Variants in CDC27 observed in about 807,000 individuals in gnomAD.
CDC27 encodes cell division cycle 27.
Under a neutral mutation model 109.7 loss-of-function variants are expected in CDC27, and 27 were observed. The observed-to-expected ratio is 0.25, with a 90% CI of 0.18 to 0.34. CDC27 has a LOEUF of 0.34. CDC27 is among the 10% of genes least tolerant of loss of function. The pLI, the probability that CDC27 is intolerant of heterozygous loss-of-function variation, is 1.00. For missense variants in CDC27, 579 were observed against 960.2 expected, an observed-to-expected ratio of 0.60 and a Z score of 5.25; for synonymous variants, 266 against 333.9, an observed-to-expected ratio of 0.80 and a Z score of 2.22.
At chr17:47,130,741 G>A (rs1337772236) in intron 15 of CDC27, among the ~76,000 whole-genome samples, 1 of 152,034 alleles carries the variant, frequency 6.6e-6, no homozygotes, top group Admixed American at 6.6e-5. Flanking sequence ...GCCAGGCGTG[G>A]TGTCGGGCAC....
intron 2 of CDC27, among the ~76,000 whole-genome samples, chr17:47,180,081 T>C (rs1175452711): frequency 2.6e-5 from 4 of 152,118 alleles, no homozygotes; most frequent in East Asian, 3.8e-4. Flanking sequence ...TGAGCTATGA[T>C]TGTGCCACTG....
At chr17:47,137,064 A>G (rs78332669) in intron 14 of CDC27, 88 bp downstream of exon 14, 13 of 650,466 alleles carry the variant, frequency 2.0e-5, no homozygotes, top group African/African-American at 7.5e-5. Flanking sequence ...AACCAAATTC[A>G]TGATAATAAA....
At chr17:47,172,099 C>A (rs371622399) in intron 2 of CDC27, 35 bp from the exon 3 acceptor site, 45 of 1,433,350 alleles carry the variant, frequency 3.1e-5, no homozygotes, top group Non-Finnish European at 4.0e-5. Context: ...GGCTATTGTT[C>A]AGTATATTGA....
chr17:47,167,803 T>C (rs1598552692), intron 4 of CDC27, among the ~76,000 whole-genome samples: 1 of 152,262 alleles, frequency 6.6e-6, no homozygotes, highest in East Asian at 1.9e-4. Context: ...CAGCCTCAGG[T>C]CCCACAGGTT....
chr17:47,147,220 G>A (rs2062987493), intron 9 of CDC27, among the ~76,000 whole-genome samples: 1 of 151,440 alleles, frequency 6.6e-6, no homozygotes, highest in Non-Finnish European at 1.5e-5. Context: ...CTAACACGGT[G>A]AAACCCCGTC....
At chr17:47,131,520 G>C (rs2062332647) in intron 15 of CDC27, among the ~76,000 whole-genome samples, 1 of 152,066 alleles carries the variant, frequency 6.6e-6, no homozygotes, top group Non-Finnish European at 1.5e-5. Flanking sequence ...GGGAAAAAAA[G>C]AGAGAAGCTG....
At chr17:47,176,917 T>A (rs1224698303) in intron 2 of CDC27, among the ~76,000 whole-genome samples, 1 of 144,770 alleles carries the variant, frequency 6.9e-6, no homozygotes, top group Non-Finnish European at 1.6e-5. Flanking sequence ...GGTAAATAAG[T>A]TTTTTTTTAT....
intron 7 of CDC27, among the ~76,000 whole-genome samples, chr17:47,156,118 A>C (rs956591180): frequency 1.3e-5 from 2 of 152,152 alleles, no homozygotes; most frequent in African/African-American, 2.4e-5. Flanking sequence ...TAATTAAGGA[A>C]TATTTCAGAG....
At chr17:47,132,946 G>T (rs1306464432) in intron 14 of CDC27, among the ~76,000 whole-genome samples, 1 of 122,240 alleles carries the variant, frequency 8.2e-6, no homozygotes, top group East Asian at 2.4e-4. Flanking sequence ...GCTAATTTTT[G>T]TATTTTTTGT....
At chr17:47,134,566 C>T (rs2062512456) in intron 14 of CDC27, among the ~76,000 whole-genome samples, 1 of 152,006 alleles carries the variant, frequency 6.6e-6, no homozygotes, top group South Asian at 2.1e-4. Context: ...ACCTCCACCT[C>T]CCAGGTTCAA....
chr17:47,129,013 C>T lies in CDC27; in HGVS notation c.2160+380G>A, dbSNP rs138546665. Among the ~76,000 whole-genome samples, 648 of 152,228 alleles carry T rather than the reference C, an allele frequency of 4.3e-3. 3 individuals are homozygous for T. Among genetic ancestry groups the T allele is most frequent in the Middle Eastern group, 0.01 (3 of 294 alleles). On this transcript the variant is annotated intron_variant, in intron 16 of 18. Coordinates refer to ENST00000066544, the MANE Select transcript of CDC27 (RefSeq NM_001256.6). ...TCTTGAACTCCTGACTCAGGTGATC[C>T]GCCCGCCTTGGTCTCCCAAAGTGCT...
chr17:47,181,571 A>G lies in CDC27; in HGVS notation c.94T>C (p.Tyr32His), dbSNP rs1389585393. Residue 32 changes from tyrosine to histidine, a missense_variant, in exon 2 of 19, where the codon TAT (tyrosine) becomes CAT (histidine). Physicochemically the swap from Tyr to His is moderately conservative, Grantham distance 83. Transcript: ENST00000066544. ...RDAVFLAERLYAEVHSEEALF... is the reference protein window; with the variant it reads ...RDAVFLAERLHAEVHSEEALF... ...TGAATAGATTTCAAACCTTCTGCAT[A>G]AAGGCGTTCTGCGAGGAAAACCGCA... The G allele has an allele frequency of 6.3e-7, 1 of 1,593,632 alleles. No homozygotes were observed. The highest frequency in any genetic ancestry group is 8.6e-7 in the Non-Finnish European group (1 of 1,162,250).
At chr17:47,131,586 G>A (rs147666773) in intron 15 of CDC27, among the ~76,000 whole-genome samples, 27 of 152,088 alleles carry the variant, frequency 1.8e-4, no homozygotes, top group African/African-American at 5.5e-4. Context: ...TTAAGGTACC[G>A]TACTTACACA....
Position 47,169,984 on chromosome 17 carries a change from C to G in CDC27, c.310G>C (p.Asp104His). The G allele has an allele frequency of 6.3e-7, 1 of 1,594,686 alleles. No homozygotes were observed. The highest frequency in any genetic ancestry group is 1.4e-5 in the African/African-American group (1 of 73,918). The change falls in exon 4 of 19, where the codon GAT becomes CAT. Residue 104 changes from aspartate (D) to histidine (H), a missense_variant. Physicochemically the swap from Asp to His is moderately conservative, Grantham distance 81. Around this residue, in one of 9 missense-constraint regions of CDC27, gnomAD observed 52 missense variants for 63.4 expected, o/e 0.82. Transcript: ENST00000066544. Reference sequence around the variant, plus strand: ...TCACCAAACTCAGTAACAATATCATCATGGCTTTTCTGCTTATTAAACACT... The same window carrying G: ...TCACCAAACTCAGTAACAATATCATGATGGCTTTTCTGCTTATTAAACACT... ...GGVFNKQKSH[D>H]DIVTEFGDSA... is the part of the protein sequence containing the mutation.
In CDC27 at chr17:47,123,867, C is replaced by T. The variant is rs1187573145; in HGVS notation, c.2235+19G>A. On this transcript the variant is annotated intron_variant, in intron 17 of 18. Transcript: ENST00000066544. Reference sequence around the variant, plus strand: ...TTGCTATGAAAGTCACTGTTTGGGACCATGACCCCAGTCTTTACCTTTCCT... The same window carrying T: ...TTGCTATGAAAGTCACTGTTTGGGATCATGACCCCAGTCTTTACCTTTCCT... 3.2e-6 allele frequency: 5 copies of T among 1,542,616 alleles called. No homozygotes were observed. Among genetic ancestry groups the T allele is most frequent in the Non-Finnish European group, 3.5e-6 (4 of 1,139,066 alleles).
At chr17:47,127,203 C>T (rs2062169288) in intron 16 of CDC27, among the ~76,000 whole-genome samples, 1 of 152,086 alleles carries the variant, frequency 6.6e-6, no homozygotes, top group South Asian at 2.1e-4. Flanking sequence ...TTTGAGGCTT[C>T]AGTGAGCTAT....
At chr17:47,159,898 C>T in intron 4 of CDC27, 1 of 419,726 alleles carries the variant, frequency 2.4e-6, no homozygotes, top group South Asian at 1.8e-5. Flanking sequence ...TGGGAATCTA[C>T]TCCTTATCCT....
intron 1 of CDC27, among the ~76,000 whole-genome samples, chr17:47,188,197 A>G (rs762185938): frequency 5.3e-5 from 8 of 152,226 alleles, no homozygotes; most frequent in Non-Finnish European, 1.0e-4. Flanking sequence ...CAATGACAGC[A>G]GTTGATAGAG....
At chr17:47,137,042 CTAAGTA>C (rs1348190191) in intron 14 of CDC27, 104 bp downstream of exon 14, 3 of 547,988 alleles carry the variant, frequency 5.5e-6, no homozygotes, top group Non-Finnish European at 6.2e-6. Flanking sequence ...TGTACCATCC[CTAAGTA>C]TAAGTAACCA....
Sources: gnomAD v4.1 joint callset for allele counts (sites outside exome capture counted in the v4.1 genomes callset) on GRCh38, gnomAD v4.1.1 for gene constraint, gnomAD v4.1.1 regional missense constraint, MANE v1.5 for transcripts, NCBI Gene and HGNC (gene_info 2026-07-23, HGNC 2026-07-21) for gene names.